The following WDR88 variants were observed in gnomAD, a reference collection of about 807,000 sequenced individuals.
The protein encoded by WDR88 is WD repeat-containing protein 88.
A neutral mutation model predicts 46.8 loss-of-function variants in WDR88; 40 were observed. The ratio of observed to expected loss-of-function variants is 0.86; its 90% CI spans 0.66 to 1.11. The LOEUF is 1.11. Among genes scored for constraint, WDR88 ranks in the 50% most tolerant of loss-of-function variants. WDR88 has a pLI of 0.00. For synonymous variants in WDR88, 235 were observed against 240.7 expected (o/e 0.98, Z 0.22); for missense variants, 562 against 602.4 (o/e 0.93, Z 0.70).
chr19:33,144,232 C>T (rs977754401), intron 2 of WDR88, among the ~76,000 whole-genome samples: 2 of 152,208 alleles, frequency 1.3e-5, no homozygotes, highest in Non-Finnish European at 2.9e-5. Context: ...CGGTGTCTCG[C>T]TCTGTCGCCC....
At chr19:33,137,626 G>A (rs755665759) in intron 1 of WDR88, 51 bp from the exon 2 acceptor site, 1 of 1,448,384 alleles carries the variant, frequency 6.9e-7, no homozygotes, top group South Asian at 1.2e-5. Flanking sequence ...GTTGTACATT[G>A]ATTTTGTGTC....
chr19:33,145,779 C>T lies in WDR88; in HGVS notation c.476+847C>T, dbSNP rs1243502512. ...GAACTCTTGACCTCAGGTGATCCAC[C>T]CACCTCGGCCTCCCAAAGTGCTGGG... On this transcript the variant is annotated intron_variant, in intron 3 of 10. Coordinates refer to ENST00000355868, the MANE Select transcript of WDR88 (RefSeq NM_173479.4). Among the ~76,000 whole-genome samples, 4 of 152,022 alleles carry T rather than the reference C, an allele frequency of 2.6e-5. No individual in the cohort carries two copies. In the East Asian group the frequency reaches 7.7e-4, roughly 29 times the overall value.
At chr19:33,148,398 T>C (rs1430708887) in intron 4 of WDR88, among the ~76,000 whole-genome samples, 2 of 152,148 alleles carry the variant, frequency 1.3e-5, no homozygotes, top group African/African-American at 2.4e-5. Context: ...TAAACATTTT[T>C]AGAAAGACAA....
chr19:33,162,070 A>G (rs765086264), intron 8 of WDR88, among the ~76,000 whole-genome samples: 5 of 152,050 alleles, frequency 3.3e-5, no homozygotes, highest in African/African-American at 4.8e-5. Flanking sequence ...TTCTCTAACC[A>G]CACTATGGCC....
intron 4 of WDR88, among the ~76,000 whole-genome samples, chr19:33,148,507 C>T (rs866708378): frequency 3.9e-5 from 6 of 152,160 alleles, no homozygotes. Flanking sequence ...GTGGCGCCAT[C>T]GTAGCTCACT....
chr19:33,132,427 C>T lies in WDR88; in HGVS notation c.258C>T (p.Asp86=). ...HQVPEKLIWG[D]QDPLSKIPFK... ...TGCCGGAGAAATTGATCTGGGGCGACCAGGACCCTCTCTCCAAGGTCAGAA... is the reference window on the plus strand; with the variant it reads ...TGCCGGAGAAATTGATCTGGGGCGATCAGGACCCTCTCTCCAAGGTCAGAA... The change falls in exon 1 of 11, where the codon GAC becomes GAT. Residue 86 remains aspartate (D), a synonymous_variant. Transcript: ENST00000355868. The T allele has an allele frequency of 6.2e-7, 1 of 1,613,998 alleles. No homozygotes were observed. Among genetic ancestry groups the T allele is most frequent in the East Asian group, 2.2e-5 (1 of 44,874 alleles).
rs555393822 is a variant in WDR88, at chr19:33,149,579, G to A, written c.679+669G>A. 1.5e-4 allele frequency among the ~76,000 whole-genome samples: 23 copies of A among 152,036 alleles called. No homozygotes were observed. The East Asian group carries it at 1.7e-3, about 12-fold the overall frequency. ...TGCCCAGGCTGATGTCAAACTCCTG[G>A]CCTCGAGGGATCCTCCTGCCTCAGC... On this transcript the variant is annotated intron_variant, in intron 5 of 10. Transcript: ENST00000355868.
chr19:33,134,851 C>G (rs1034588406), intron 1 of WDR88, among the ~76,000 whole-genome samples: 2 of 137,544 alleles, frequency 1.5e-5, no homozygotes, highest in Non-Finnish European at 3.2e-5. Context: ...CCCCCCCCCC[C>G]GCCCCGCATC....
At chr19:33,137,103 TTTC>T (rs202127754) in intron 1 of WDR88, among the ~76,000 whole-genome samples, 47 of 101,362 alleles carry the variant, frequency 4.6e-4, no homozygotes, top group African/African-American at 2.7e-4. Context: ...GCTCATTTTC[TTTC>T]TTCTTCTTTT....
intron 2 of WDR88, among the ~76,000 whole-genome samples, chr19:33,143,712 G>T (rs1269163538): frequency 6.6e-6 from 1 of 151,584 alleles, no homozygotes; most frequent in Non-Finnish European, 1.5e-5. Flanking sequence ...TTTTATTACA[G>T]GAAACACATG....
At chr19:33,140,549 G>A (rs1207078346) in intron 2 of WDR88, among the ~76,000 whole-genome samples, 2 of 152,152 alleles carry the variant, frequency 1.3e-5, no homozygotes, top group East Asian at 1.9e-4. Flanking sequence ...CAGCACTTTG[G>A]GAGGCCGAGG....
chr19:33,157,673 GTGTGTGTATGTA>G (rs1180736320), intron 7 of WDR88, among the ~76,000 whole-genome samples: 15 of 1,120 alleles, frequency 0.013, no homozygotes, highest in South Asian at 0.065. Context: ...ATGTATGTGT[GTGTGTGTATGTA>G]TGTATATATA....
At chr19:33,136,924 T>C (rs1973278709) in intron 1 of WDR88, among the ~76,000 whole-genome samples, 1 of 148,384 alleles carries the variant, frequency 6.7e-6, no homozygotes, top group African/African-American at 2.5e-5. Context: ...CTTTGCCCAT[T>C]TAAAATTTTA....
chr19:33,156,608 C>T (rs1250921819), intron 7 of WDR88, 66 bp downstream of exon 7: 39 of 1,514,350 alleles, frequency 2.6e-5, no homozygotes, highest in Non-Finnish European at 2.9e-5. Context: ...CTCCATGTTC[C>T]GTTCAAATGG....
At position 33,175,462 on chromosome 19, in the gene WDR88, T is replaced by C; in HGVS notation, c.1309T>C (p.Cys437Arg). 6.2e-7 allele frequency: 1 copy of C among 1,614,190 alleles called. No homozygotes were observed. The highest frequency in any genetic ancestry group is 1.6e-4 in the Middle Eastern group (1 of 6,062). Residue 437 changes from cysteine (C) to arginine (R), a missense_variant, in exon 11 of 11, where the codon TGC becomes CGC. Transcript: ENST00000355868. ...CACCTCTTCTGAAATGTTCACCCAA[T>C]GCGTGTTCTGCCGGATAGATACAAG... ...SDTSSEMFTQ[C>R]VFCRIDTRGL...
chr19:33,165,849 C>T (rs966553550), intron 9 of WDR88, among the ~76,000 whole-genome samples: 4 of 147,656 alleles, frequency 2.7e-5, no homozygotes, highest in African/African-American at 5.0e-5. Context: ...GCCGAGATCA[C>T]GAGATCAAGC....
At chr19:33,141,811 G>C (rs1264641578) in intron 2 of WDR88, among the ~76,000 whole-genome samples, 1 of 152,134 alleles carries the variant, frequency 6.6e-6, no homozygotes, top group East Asian at 1.9e-4. Flanking sequence ...CTCCCAAGTA[G>C]CTGGGATTAC....
In WDR88 at chr19:33,156,451, C is replaced by T; in HGVS notation, c.906C>T (p.Val302=). The change falls in exon 7 of 11, where the codon GTC becomes GTT. Residue 302 remains valine, a synonymous_variant. Transcript: ENST00000355868. ...ATAAAAACTTAAAAATATGGAACGT[C>T]CACACAGGGGAGTTTCGAAACTGTG... ...SWDKNLKIWN[V]HTGEFRNCGA... 5 of 1,614,156 alleles carry T rather than the reference C, an allele frequency of 3.1e-6. No individual in the cohort carries two copies. The highest frequency in any genetic ancestry group is 4.2e-6 in the Non-Finnish European group (5 of 1,180,034).
At chr19:33,143,318 A>G (rs917636180) in intron 2 of WDR88, among the ~76,000 whole-genome samples, 1 of 139,862 alleles carries the variant, frequency 7.1e-6, no homozygotes, top group Non-Finnish European at 1.5e-5. Context: ...CTGGGTAACA[A>G]CAGAGTGAGA....
Sources: allele counts gnomAD v4.1 joint callset (sites outside exome capture counted in the v4.1 genomes callset), GRCh38; gene constraint gnomAD v4.1.1; transcripts MANE v1.5; gene names NCBI Gene and HGNC (gene_info 2026-07-23, HGNC 2026-07-21).